Variants in MEST observed in about 807,000 individuals in gnomAD.
MEST encodes the protein mesoderm-specific transcript homolog protein.
MEST carries 18 observed loss-of-function variants against 50.9 expected under a neutral mutation model. The ratio of observed to expected loss-of-function variants is 0.35; its 90% CI spans 0.24 to 0.52. The LOEUF (loss-of-function observed/expected upper bound fraction) is 0.52. Among genes scored for constraint, MEST ranks in the 20% least tolerant of loss-of-function variants. The probability of loss-of-function intolerance (pLI) is 0.94; values close to 1 mark genes in which losing one functional copy is unlikely to be tolerated. For missense variants in MEST, 282 were observed against 425.3 expected (o/e 0.66, Z 2.96); for synonymous variants, 130 against 154.1 (o/e 0.84, Z 1.16).
chr7:130,493,017 G>A (rs1463828757), intron 1 of MEST, among the ~76,000 whole-genome samples: 2 of 152,126 alleles, frequency 1.3e-5, no homozygotes, highest in Admixed American at 6.5e-5. Context: ...TTTCAAGAAC[G>A]GGATAATCGC....
chr7:130,504,468 T>G (rs1554439329), intron 11 of MEST, among the ~76,000 whole-genome samples: 1 of 152,256 alleles, frequency 6.6e-6, no homozygotes. Flanking sequence ...ATCTTGATTA[T>G]GTCACATAAG....
At chr7:130,493,956 C>G (rs1798937548) in intron 1 of MEST, among the ~76,000 whole-genome samples, 1 of 152,056 alleles carries the variant, frequency 6.6e-6, no homozygotes, top group African/African-American at 2.4e-5. Context: ...TTTTTTGAAC[C>G]ATTTCTAGTA....
In MEST at chr7:130,500,451, T is replaced by C. The variant is rs1799232553; in HGVS notation, c.577-11T>C. The C allele has an allele frequency of 1.2e-6, 2 of 1,612,542 alleles. No homozygotes were observed. Among genetic ancestry groups the C allele is most frequent in the Non-Finnish European group, 1.7e-6 (2 of 1,179,098 alleles). ...GGTTCTTGAGCTTTACCTCCACTTA[T>C]TCCCCTCCAGCTACTCAAAGATGGA... On this transcript the variant is annotated splice_polypyrimidine_tract_variant and intron_variant, in intron 7 of 11. Coordinates refer to ENST00000223215, the MANE Select transcript of MEST (RefSeq NM_002402.4). This position sits in a 1 kb window ranked among gnomAD's most constrained non-coding sequence, Gnocchi z 5.0.
chr7:130,491,294 G>A, upstream of MEST: 1 of 152,474 alleles, frequency 6.6e-6, no homozygotes, highest in Non-Finnish European at 1.5e-5. This position sits in a 1 kb window ranked among gnomAD's most constrained non-coding sequence, Gnocchi z 6.8. Flanking sequence ...GTTCTGTGCA[G>A]CGCGGACCGG....
At chr7:130,491,465 G>C (rs1257566372), upstream of MEST, 8 of 152,324 alleles carry the variant, frequency 5.3e-5, no homozygotes, top group Non-Finnish European at 2.9e-5. This position sits in a 1 kb window ranked among gnomAD's most constrained non-coding sequence, Gnocchi z 6.8. Flanking sequence ...GCCATCCCAT[G>C]AATCTGTTTA....
Position 130,500,078 on chromosome 7 carries a change from G to T in MEST, c.576+163G>T. The T allele has an allele frequency of 1.6e-6, 1 of 641,734 alleles. No individual in the cohort carries two copies. The highest frequency in any genetic ancestry group is 1.8e-5 in the African/African-American group (1 of 54,382). The allele number at this position is 641,734 out of a possible 1,614,324, so 39.8% of individuals were successfully genotyped here. On this transcript the variant is annotated intron_variant, in intron 7 of 11. Transcript: ENST00000223215. The surrounding 1 kb of genome is among the most constrained non-coding windows in gnomAD (Gnocchi z 5.0). ...CTTTTTCCCTTCTTAGGCAACTAAA[G>T]CAGAGGCAGTGGCCCCTACGTAAAC...
upstream of MEST, chr7:130,491,262 T>C (rs1368992567): frequency 6.6e-6 from 1 of 152,308 alleles, no homozygotes; most frequent in African/African-American, 2.4e-5. This position sits in a 1 kb window ranked among gnomAD's most constrained non-coding sequence, Gnocchi z 6.8. Flanking sequence ...AAGGGGGCTT[T>C]GCTCTCCTAA....
chr7:130,502,545 G>A, intron 9 of MEST, 99 bp from the exon 10 acceptor site: 1 of 877,262 alleles, frequency 1.1e-6, no homozygotes, highest in Non-Finnish European at 1.9e-6. Context: ...TCTGGATTAA[G>A]AAATTGTATC....
At chr7:130,490,474 C>T (rs949598244), upstream of MEST, among the ~76,000 whole-genome samples, 3 of 152,192 alleles carry the variant, frequency 2.0e-5, no homozygotes, top group African/African-American at 7.2e-5. Flanking sequence ...ACTTCCTCCC[C>T]TGTGCGCCCT....
upstream of MEST, chr7:130,489,720 G>T (rs1319935221): frequency 6.6e-6 from 1 of 152,092 alleles, no homozygotes; most frequent in Non-Finnish European, 1.5e-5. Flanking sequence ...CTAACTCCTC[G>T]GCCAGACATC....
At chr7:130,503,644 T>C (rs1208661311) in intron 10 of MEST, among the ~76,000 whole-genome samples, 1 of 152,086 alleles carries the variant, frequency 6.6e-6, no homozygotes, top group Non-Finnish European at 1.5e-5. Context: ...AAAATTTTTC[T>C]CTACAGATAA....
rs782637569 is a variant in MEST, at chr7:130,504,008, C to T, written c.890+12C>T. 2.4e-5 allele frequency: 39 copies of T among 1,605,396 alleles called. No homozygotes were observed. The highest frequency in any genetic ancestry group is 3.1e-5 in the Non-Finnish European group (36 of 1,172,428). On this transcript the variant is annotated intron_variant, in intron 11 of 11. Coordinates refer to ENST00000223215, the MANE Select transcript of MEST (RefSeq NM_002402.4). ...TTGGAGCTGTACAGGTGAGTCTCCCCGAGAGAAGTCTATGTTTTGTTAGTA... is the reference window on the plus strand; with the variant it reads ...TTGGAGCTGTACAGGTGAGTCTCCCTGAGAGAAGTCTATGTTTTGTTAGTA...
At position 130,506,204 on chromosome 7, in the gene MEST, G is replaced by T. The variant is rs1392688503; in HGVS notation, c.*1148G>T. The T allele has an allele frequency of 1.3e-5, 2 of 152,214 alleles. No individual in the cohort carries two copies. Among genetic ancestry groups the T allele is most frequent in the African/African-American group, 2.4e-5 (1 of 41,398 alleles). 9.4% of individuals were successfully genotyped at this position (152,214 alleles called of 1,614,324 possible). A position where few individuals can be genotyped will look rare whatever the true frequency, so the allele number is the denominator to read the frequency against. On this transcript the variant is annotated 3_prime_UTR_variant, in exon 12 of 12. Transcript: ENST00000223215. The stretch of plus-strand genomic sequence containing the variant: ...ATTATTAAGTGATTATTTAAAATTC[G>T]TTTTTTTAAATTAGCAACTTCAAGT...
rs1369000671 is a variant in MEST, at chr7:130,492,500, A to AG, written c.26+166dup. The stretch of plus-strand genomic sequence containing the variant: ...CCGCGCCCGCTCTGCCTACTTGAGG[A>AG]GGGGGTGTCACTCCTGCCCGCAATG... On this transcript the variant is annotated intron_variant, in intron 1 of 11. Transcript: ENST00000223215. The surrounding 1 kb of genome is among the most constrained non-coding windows in gnomAD (Gnocchi z 7.6). The AG allele has an allele frequency of 2.0e-6, 1 of 497,514 alleles. No individual in the cohort carries two copies. Among genetic ancestry groups the AG allele is most frequent in the Admixed American group, 4.5e-5 (1 of 22,434 alleles). The allele number at this position is 497,514 out of a possible 1,614,324, so 30.8% of individuals were successfully genotyped here.
chr7:130,503,879 G>A (rs1799370516), intron 10 of MEST, 54 bp from the exon 11 acceptor site: 1 of 1,315,322 alleles, frequency 7.6e-7, no homozygotes, highest in South Asian at 1.2e-5. Context: ...TTTAGGGTGG[G>A]AGTAGAACAG....
In MEST at chr7:130,500,446, A is replaced by C; in HGVS notation, c.577-16A>C. ...CTCTGGGTTCTTGAGCTTTACCTCCACTTATTCCCCTCCAGCTACTCAAAG... is the reference window on the plus strand; with the variant it reads ...CTCTGGGTTCTTGAGCTTTACCTCCCCTTATTCCCCTCCAGCTACTCAAAG... On this transcript the variant is annotated splice_polypyrimidine_tract_variant and intron_variant, in intron 7 of 11. Coordinates refer to ENST00000223215, the MANE Select transcript of MEST (RefSeq NM_002402.4). This position sits in a 1 kb window ranked among gnomAD's most constrained non-coding sequence, Gnocchi z 5.0. 1 of 1,611,872 alleles carries C rather than the reference A, an allele frequency of 6.2e-7. No homozygotes were observed. Among genetic ancestry groups the C allele is most frequent in the Non-Finnish European group, 8.5e-7 (1 of 1,178,610 alleles).
rs1160048889 is a variant in MEST at position 130,503,974 on chromosome 7, C to A, written c.868C>A (p.Pro290Thr). ...YGPLDPVNPY[P>T]EFLELYRKTL... ...GCCATTGGATCCTGTAAATCCCTAT[C>A]CAGAGTTTTTGGAGCTGTACAGGTG... Residue 290 changes from proline to threonine, a missense_variant, in exon 11 of 12, where the codon CCA becomes ACA. Transcript: ENST00000223215. 2 of 1,613,164 alleles carry A rather than the reference C, an allele frequency of 1.2e-6. No individual in the cohort carries two copies. Among genetic ancestry groups the A allele is most frequent in the Non-Finnish European group, 1.7e-6 (2 of 1,179,330 alleles).
rs1398792559 is a variant in MEST, at chr7:130,505,329, A to T, written c.*273A>T. On this transcript the variant is annotated 3_prime_UTR_variant, in exon 12 of 12. Transcript: ENST00000223215. Reference sequence around the variant, plus strand: ...GTGCTATTAGGAAATTCTGATGAGCATTACTATTCACTGATGCAGAAAGAC... The same window carrying T: ...GTGCTATTAGGAAATTCTGATGAGCTTTACTATTCACTGATGCAGAAAGAC... The T allele has an allele frequency of 3.8e-5, 10 of 266,348 alleles. No individual in the cohort carries two copies. The highest frequency in any genetic ancestry group is 2.2e-4 in the African/African-American group (10 of 46,190). 16.5% of individuals were successfully genotyped at this position (266,348 alleles called of 1,614,324 possible).
chr7:130,498,249 T>G lies in MEST; in HGVS notation c.450T>G (p.Asp150Glu). The change falls in exon 5 of 12, where the codon GAT becomes GAG. Residue 150 changes from aspartate to glutamate, a missense_variant. By Grantham distance (45) the Asp-to-Glu change is conservative. Coordinates refer to ENST00000223215, the MANE Select transcript of MEST (RefSeq NM_002402.4). ...ACCTTCTTTCTCATGACTATGGAGA[T>G]ATTGTTGCTCAGGAGCTTCTCTACA... ...RINLLSHDYG[D>E]IVAQELLYRY... is the part of the protein sequence containing the mutation. 2 of 1,614,208 alleles carry G rather than the reference T, an allele frequency of 1.2e-6. No homozygotes were observed. The highest frequency in any genetic ancestry group is 1.7e-6 in the Non-Finnish European group (2 of 1,180,028).
Sources: gnomAD v4.1 joint callset for allele counts (sites outside exome capture counted in the v4.1 genomes callset) on GRCh38, gnomAD v4.1.1 for gene constraint, Gnocchi (gnomAD v3.1) non-coding constraint, MANE v1.5 for transcripts, NCBI Gene and HGNC (gene_info 2026-07-23, HGNC 2026-07-21) for gene names.